CHSY1: variants seen among roughly 807,000 people sequenced by gnomAD.
CHSY1 encodes chondroitin sulfate synthase 1.
Under a neutral mutation model 59.8 loss-of-function variants are expected in CHSY1, and 13 were observed. That is an observed-to-expected ratio of 0.22 (90% CI 0.14 to 0.35). The LOEUF (loss-of-function observed/expected upper bound fraction) is 0.35, where lower values mean the gene tolerates loss of function less well. CHSY1 is among the 10% of genes least tolerant of loss of function. The pLI, the probability that CHSY1 is intolerant of heterozygous loss-of-function variation, is 1.00. For missense variants in CHSY1, 947 were observed against 1,030.6 expected (o/e 0.92, Z 1.11); for synonymous variants, 459 against 401.2 (o/e 1.14, Z -1.72).
At chr15:101,208,176 AC>A in intron 2 of CHSY1, among the ~76,000 whole-genome samples, 1 of 152,078 alleles carries the variant, frequency 6.6e-6, no homozygotes, top group African/African-American at 2.4e-5. Context: ...GAACCCAAGG[AC>A]ACACACACAC....
At chr15:101,180,472 G>A (rs763678856) in intron 2 of CHSY1, among the ~76,000 whole-genome samples, 17 of 152,166 alleles carry the variant, frequency 1.1e-4, no homozygotes, top group Non-Finnish European at 1.9e-4. Context: ...AAGGTGGTGA[G>A]GTTTTCTGTG....
At chr15:101,222,061 G>T (rs2038794392) in intron 2 of CHSY1, among the ~76,000 whole-genome samples, 1 of 152,140 alleles carries the variant, frequency 6.6e-6, no homozygotes, top group South Asian at 2.1e-4. Context: ...ATTTTTTACA[G>T]TAATAACACA....
In CHSY1 at chr15:101,235,116, C is replaced by G. The variant is rs1340541061; in HGVS notation, c.782G>C (p.Arg261Thr). ...EDVEVGRCVR[R>T]FAGVQCVWSY... ...CCAGACACACTGCACCCCTGCAAAC[C>G]TCCGGACACACCTTCCCACCTCCAC... Residue 261 changes from arginine to threonine, a missense_variant, in exon 2 of 3, where the codon AGG becomes ACG. Coordinates refer to ENST00000254190, the MANE Select transcript of CHSY1 (RefSeq NM_014918.5). 4.3e-6 allele frequency: 7 copies of G among 1,614,082 alleles called. No homozygotes were observed. The highest frequency in any genetic ancestry group is 5.9e-6 in the Non-Finnish European group (7 of 1,180,014).
At chr15:101,228,503 A>G (rs1157165670) in intron 2 of CHSY1, among the ~76,000 whole-genome samples, 1 of 152,224 alleles carries the variant, frequency 6.6e-6, no homozygotes, top group Non-Finnish European at 1.5e-5. Flanking sequence ...AGGATCCTCA[A>G]TAAGATTAAC....
chr15:101,211,982 G>A (rs1156365915), intron 2 of CHSY1, among the ~76,000 whole-genome samples: 7 of 151,712 alleles, frequency 4.6e-5, no homozygotes, highest in Non-Finnish European at 8.8e-5. Flanking sequence ...CTTGGGGTAG[G>A]CAAAAGTCAT....
intron 2 of CHSY1, among the ~76,000 whole-genome samples, chr15:101,231,455 C>T (rs569338890): frequency 1.2e-4 from 18 of 152,342 alleles, no homozygotes; most frequent in East Asian, 3.9e-4. Flanking sequence ...GGAAGGAAGA[C>T]GTATTCCTAT....
chr15:101,218,922 T>C (rs1384960527), intron 2 of CHSY1, among the ~76,000 whole-genome samples: 3 of 152,204 alleles, frequency 2.0e-5, no homozygotes, highest in African/African-American at 7.2e-5. Context: ...TTCAAACAAA[T>C]ACTGGCGGTA....
Position 101,178,182 on chromosome 15 carries a change from G to T in CHSY1, c.1615C>A (p.Pro539Thr). 6.2e-7 allele frequency: 1 copy of T among 1,614,210 alleles called. No individual in the cohort carries two copies. The highest frequency in any genetic ancestry group is 8.5e-7 in the Non-Finnish European group (1 of 1,180,040). ...AACATGTCGAAACGCCCAGACAAAG[G>T]AATCAGTATGTTTATCTTTTTATCT... ...PKDKKINILI[P>T]LSGRFDMFVR... Residue 539 changes from proline to threonine, a missense_variant, in exon 3 of 3, where the codon CCT (proline) becomes ACT (threonine). By Grantham distance (38) the Pro-to-Thr change is conservative (BLOSUM62 -1). Transcript: ENST00000254190.
chr15:101,211,769 AC>A (rs1392003827), intron 2 of CHSY1, among the ~76,000 whole-genome samples: 1 of 152,150 alleles, frequency 6.6e-6, no homozygotes, highest in East Asian at 1.9e-4. Context: ...CAAAGAAAAA[AC>A]AATACGACTT....
At chr15:101,190,753 A>C (rs1227640103) in intron 2 of CHSY1, among the ~76,000 whole-genome samples, 2 of 152,240 alleles carry the variant, frequency 1.3e-5, no homozygotes. Flanking sequence ...AAAAATAGGA[A>C]AACAACCCAA....
chr15:101,212,848 C>T (rs2038695570), intron 2 of CHSY1, among the ~76,000 whole-genome samples: 1 of 152,120 alleles, frequency 6.6e-6, no homozygotes, highest in South Asian at 2.1e-4. Flanking sequence ...TACCAATTAA[C>T]TCTGAAATGC....
chr15:101,178,716 AG>A lies in CHSY1; in HGVS notation c.1080del (p.Ser361ProfsTer3). On this transcript the variant is annotated frameshift_variant, in exon 3 of 3. Transcript: ENST00000254190. LOFTEE classifies it high-confidence loss of function. ...TGGCGGGGCTGAAACCTCATGAAGG[AG>A]GGAGGGATTCCCAGCTGGAGGTCCT... is the stretch of plus-strand genomic sequence containing the variant. ...HKEDLQLGIP[P>X]SFMRFQPRQR... 6.2e-7 allele frequency: 1 copy of A among 1,614,218 alleles called. No homozygotes were observed. The highest frequency in any genetic ancestry group is 8.5e-7 in the Non-Finnish European group (1 of 1,180,034).
intron 1 of CHSY1, among the ~76,000 whole-genome samples, chr15:101,248,484 T>C (rs1035200048): frequency 6.6e-6 from 1 of 152,180 alleles, no homozygotes; most frequent in Non-Finnish European, 1.5e-5. Flanking sequence ...AAAGGAAACT[T>C]CTGTGAGAGA....
intron 2 of CHSY1, among the ~76,000 whole-genome samples, chr15:101,218,948 T>C (rs941266251): frequency 1.3e-5 from 2 of 152,154 alleles, no homozygotes; most frequent in African/African-American, 4.8e-5. Flanking sequence ...AATAAAAAGG[T>C]ATAGTGCAGT....
rs146586939 is a variant in CHSY1 at position 101,178,195 on chromosome 15, T to A, written c.1602A>T (p.Ile534=). Residue 534 remains isoleucine (I), a synonymous_variant, in exon 3 of 3, where the codon ATA becomes ATT. Coordinates refer to ENST00000254190, the MANE Select transcript of CHSY1 (RefSeq NM_014918.5). ...SEHKEPKDKK[I]NILIPLSGRF... ...GCCCAGACAAAGGAATCAGTATGTT[T>A]ATCTTTTTATCTTTGGGTTCTTTGT... 268 of 1,614,226 alleles carry A rather than the reference T, an allele frequency of 1.7e-4. No homozygotes were observed. In the African/African-American group the frequency reaches 2.7e-3, roughly 16 times the overall value.
chr15:101,221,231 C>T (rs374431252), intron 2 of CHSY1, among the ~76,000 whole-genome samples: 2 of 152,292 alleles, frequency 1.3e-5, no homozygotes, highest in Admixed American at 6.5e-5. Flanking sequence ...CGGTGGCTCA[C>T]GCCTGTAATC....
chr15:101,208,316 G>A (rs1034911203), intron 2 of CHSY1, among the ~76,000 whole-genome samples: 4 of 152,124 alleles, frequency 2.6e-5, no homozygotes, highest in Admixed American at 2.0e-4. Context: ...GAGACTCTTC[G>A]AGAGATGGCA....
intron 2 of CHSY1, among the ~76,000 whole-genome samples, chr15:101,204,435 A>AAATAATAATAAT (rs56793692): frequency 1.3e-3 from 185 of 143,970 alleles, no homozygotes; most frequent in East Asian, 4.4e-3. Flanking sequence ...ACTCCATCTC[A>AAATAATAATAAT]AATAATAATA....
chr15:101,246,011 A>T (rs1183529943), intron 1 of CHSY1, among the ~76,000 whole-genome samples: 4 of 152,234 alleles, frequency 2.6e-5, no homozygotes, highest in African/African-American at 9.6e-5. Context: ...GGAGGATCTC[A>T]TTAAGGTTGG....
Sources: allele counts gnomAD v4.1 joint callset (sites outside exome capture counted in the v4.1 genomes callset), GRCh38; gene constraint gnomAD v4.1.1; transcripts MANE v1.5; gene names NCBI Gene and HGNC (gene_info 2026-07-23, HGNC 2026-07-21).